ALDH3A2: variants seen among roughly 807,000 people sequenced by gnomAD.
ALDH3A2 encodes aldehyde dehydrogenase 3 family member A2.
A neutral mutation model predicts 51.3 loss-of-function variants in ALDH3A2; 36 were observed. The ratio of observed to expected loss-of-function variants is 0.70; its 90% CI spans 0.54 to 0.93. ALDH3A2 has a LOEUF of 0.93. ALDH3A2 is among the 40% of genes least tolerant of loss of function. The probability of loss-of-function intolerance (pLI) is 0.00; values close to 1 mark genes in which losing one functional copy is unlikely to be tolerated. For synonymous variants in ALDH3A2, 199 were observed against 219.8 expected, an observed-to-expected ratio of 0.91 and a Z score of 0.84; for missense variants, 552 against 603.1, an observed-to-expected ratio of 0.92 and a Z score of 0.89.
chr17:19,652,575 A>G lies in ALDH3A2; in HGVS notation c.414A>G (p.Glu138=). The part of the protein sequence containing the change: ...AGNAVIIKPS[E]LSENTAKILA... ...ATGCTGTGATTATAAAGCCTTCTGAACTGAGTGAAAATACAGCCAAGATCT... is the reference window on the plus strand; with the variant it reads ...ATGCTGTGATTATAAAGCCTTCTGAGCTGAGTGAAAATACAGCCAAGATCT... Residue 138 remains glutamate (E), a synonymous_variant, in exon 3 of 10, where the codon GAA becomes GAG. Coordinates refer to ENST00000176643, the MANE Select transcript of ALDH3A2 (RefSeq NM_000382.3). 1.9e-6 allele frequency: 3 copies of G among 1,614,046 alleles called. No individual in the cohort carries two copies. Among genetic ancestry groups the G allele is most frequent in the Non-Finnish European group, 2.5e-6 (3 of 1,179,904 alleles).
intron 8 of ALDH3A2, among the ~76,000 whole-genome samples, chr17:19,669,930 G>A (rs1001774122): frequency 3.3e-5 from 5 of 152,032 alleles, no homozygotes; most frequent in Non-Finnish European, 5.9e-5. Context: ...GTGAGCCACC[G>A]TGCCCGGTCA....
chr17:19,656,922 C>A (rs1246226062), intron 4 of ALDH3A2, among the ~76,000 whole-genome samples: 2 of 152,244 alleles, frequency 1.3e-5, no homozygotes, highest in Non-Finnish European at 2.9e-5. Flanking sequence ...CTAATAAAAT[C>A]TTTAAATGCC....
At chr17:19,674,490 C>G (rs895522191) in intron 9 of ALDH3A2, 11 of 152,128 alleles carry the variant, frequency 7.2e-5, no homozygotes, top group African/African-American at 2.7e-4. Flanking sequence ...ATATATAAAA[C>G]CTTTAGCAGA....
intron 7 of ALDH3A2, 94 bp downstream of exon 7, chr17:19,663,593 C>T (rs923328522): frequency 2.1e-6 from 3 of 1,418,214 alleles, no homozygotes; most frequent in African/African-American, 1.4e-5. Flanking sequence ...CAATGTGAAA[C>T]AATGATGGTT....
At position 19,677,504 on chromosome 17, in the gene ALDH3A2, C is replaced by T. The variant is rs2085209441; in HGVS notation, c.*1932C>T. On this transcript the variant is annotated 3_prime_UTR_variant, in exon 10 of 10. Transcript: ENST00000176643. ...AAAATTGGCATCAATTTTAATGACG[C>T]TCCTGGTATGGAACCTCAGATATAC... is the stretch of plus-strand genomic sequence containing the variant. 1 of 152,140 alleles carries T rather than the reference C, an allele frequency of 6.6e-6. No individual in the cohort carries two copies. Among genetic ancestry groups the T allele is most frequent in the South Asian group, 2.1e-4 (1 of 4,830 alleles). The allele number at this position is 152,140 out of a possible 1,614,324, so 9.4% of individuals were successfully genotyped here. A position where few individuals can be genotyped will look rare whatever the true frequency, so the allele number is the denominator to read the frequency against.
chr17:19,663,183 A>C, intron 6 of ALDH3A2, 150 bp from the exon 7 acceptor site: 2 of 846,680 alleles, frequency 2.4e-6, no homozygotes, highest in South Asian at 1.5e-5. Flanking sequence ...GTATGTGCAC[A>C]GTTCATCCAC....
In ALDH3A2 at chr17:19,654,273, T is replaced by C. The variant is rs1272244257; in HGVS notation, c.471+1641T>C. Among the ~76,000 whole-genome samples, 1 of 152,278 alleles carries C rather than the reference T, an allele frequency of 6.6e-6. No homozygotes were observed. The highest frequency in any genetic ancestry group is 1.9e-4 in the East Asian group (1 of 5,196). The stretch of plus-strand genomic sequence containing the variant: ...TGCCTAGTGGATCCCACGCCGGGGC[T>C]GTGGGTGGAGCTGCCCATCAGTCCA... On this transcript the variant is annotated intron_variant, in intron 3 of 9. Transcript: ENST00000176643. The surrounding 1 kb of genome is among the most constrained non-coding windows in gnomAD (Gnocchi z 4.5).
chr17:19,657,433 G>A (rs2084911616), intron 4 of ALDH3A2, among the ~76,000 whole-genome samples: 4 of 152,220 alleles, frequency 2.6e-5, no homozygotes, highest in Admixed American at 6.5e-5. Flanking sequence ...CTGGAAGAGG[G>A]GAAAGGACAT....
intron 3 of ALDH3A2, among the ~76,000 whole-genome samples, chr17:19,655,081 G>A (rs999299794): frequency 1.3e-5 from 2 of 152,196 alleles, no homozygotes; most frequent in African/African-American, 2.4e-5. Context: ...AGGTTCTTAT[G>A]CCTTCCTGGG....
intron 5 of ALDH3A2, among the ~76,000 whole-genome samples, chr17:19,659,066 A>G (rs2084934365): frequency 6.6e-6 from 1 of 151,966 alleles, no homozygotes; most frequent in Non-Finnish European, 1.5e-5. Context: ...ACCCATCTCT[A>G]CTAAAATTAC....
At chr17:19,675,261 C>T (rs979272098) in intron 9 of ALDH3A2, 1 of 387,540 alleles carries the variant, frequency 2.6e-6, no homozygotes, top group Non-Finnish European at 4.6e-6. Context: ...TTAGTACTCT[C>T]ATCTTCTGTC....
At position 19,676,259 on chromosome 17, in the gene ALDH3A2, G is replaced by C. The variant is rs2085187230; in HGVS notation, c.*687G>C. 1.3e-5 allele frequency: 2 copies of C among 152,276 alleles called. No individual in the cohort carries two copies. The highest frequency in any genetic ancestry group is 4.1e-4 in the South Asian group (2 of 4,832). The allele number at this position is 152,276 out of a possible 1,614,324, so 9.4% of individuals were successfully genotyped here. A position where few individuals can be genotyped will look rare whatever the true frequency, so the allele number is the denominator to read the frequency against. The stretch of plus-strand genomic sequence containing the variant: ...CACTCAAAGCATCTTGTAAATCCTA[G>C]GGCTTCCTGGAAGTTAGTTGCCAAA... On this transcript the variant is annotated 3_prime_UTR_variant, in exon 10 of 10. Transcript: ENST00000176643.
At position 19,676,868 on chromosome 17, in the gene ALDH3A2, C is replaced by G. The variant is rs2085197973; in HGVS notation, c.*1296C>G. The G allele has an allele frequency of 6.6e-6, 1 of 152,160 alleles. No individual in the cohort carries two copies. The highest frequency in any genetic ancestry group is 2.4e-5 in the African/African-American group (1 of 41,424). 9.4% of individuals were successfully genotyped at this position (152,160 alleles called of 1,614,324 possible). On this transcript the variant is annotated 3_prime_UTR_variant, in exon 10 of 10. Transcript: ENST00000176643. ...TGAGGGAACCATTTCCTCTCACAGA[C>G]AAAGAGGCCTGGGATATTAGGACTT...
chr17:19,663,587 G>A (rs2084997516), intron 7 of ALDH3A2, 88 bp downstream of exon 7: 5 of 1,442,938 alleles, frequency 3.5e-6, no homozygotes, highest in Non-Finnish European at 4.8e-6. Context: ...AAAAAACAAT[G>A]TGAAACAATG....
At chr17:19,669,360 G>T (rs926941029) in intron 8 of ALDH3A2, among the ~76,000 whole-genome samples, 4 of 152,086 alleles carry the variant, frequency 2.6e-5, no homozygotes, top group African/African-American at 9.7e-5. Context: ...GCCATACGCT[G>T]CATGATGTAA....
At position 19,648,940 on chromosome 17, in the gene ALDH3A2, C is replaced by T; in HGVS notation, c.-32C>T. 1 of 1,563,024 alleles carries T rather than the reference C, an allele frequency of 6.4e-7. No homozygotes were observed. Among genetic ancestry groups the T allele is most frequent in the Non-Finnish European group, 8.7e-7 (1 of 1,154,916 alleles). ...TCCCGCCTCCCACTCCCCAGCGCCC[C>T]CGGACCGTGCAGTTCTCTGCAGGAC... On this transcript the variant is annotated 5_prime_UTR_variant, in exon 1 of 10. Coordinates refer to ENST00000176643, the MANE Select transcript of ALDH3A2 (RefSeq NM_000382.3).
rs1429972862 is a variant in ALDH3A2, at chr17:19,649,000, A to G, written c.29A>G (p.Gln10Arg). 1.5e-5 allele frequency: 23 copies of G among 1,585,596 alleles called. No homozygotes were observed. Among genetic ancestry groups the G allele is most frequent in the Admixed American group, 3.6e-5 (2 of 55,324 alleles). ...GAGCTCGAAGTCCGGCGGGTCCGAC[A>G]GGCGTTCCTGTCCGGCCGGTCGCGA... MELEVRRVR[Q>R]AFLSGRSRPL... Residue 10 changes from glutamine (Q) to arginine (R), a missense_variant, in exon 1 of 10, where the codon CAG (glutamine) becomes CGG (arginine). Physicochemically the swap from Gln to Arg is conservative, Grantham distance 43. Coordinates refer to ENST00000176643, the MANE Select transcript of ALDH3A2 (RefSeq NM_000382.3).
chr17:19,661,421 G>T lies in ALDH3A2; in HGVS notation c.940+153G>T, dbSNP rs914044540. On this transcript the variant is annotated intron_variant, in intron 6 of 9. Transcript: ENST00000176643. ...CTGGTATACTGTACCTGTAGCTTTT[G>T]TTATAAACTATTTAAAATGTCTGTG... 3 of 850,656 alleles carry T rather than the reference G, an allele frequency of 3.5e-6. No homozygotes were observed. In the Admixed American group the frequency reaches 7.6e-5, roughly 22 times the overall value. 52.7% of individuals were successfully genotyped at this position (850,656 alleles called of 1,614,324 possible).
Position 19,675,562 on chromosome 17 carries a change from A to C in ALDH3A2, c.1448A>C (p.Glu483Ala). Reference protein sequence around the residue: ...GIVAAVLVKAEYY With the variant: ...GIVAAVLVKAAYY ...ATCCTTTTTTCCTCTCTCCAGGCAG[A>C]ATATTACTGAAGAATGATCCTGTTC... Residue 483 changes from glutamate (E) to alanine (A), a missense_variant, in exon 10 of 10, where the codon GAA becomes GCA. By Grantham distance (107) the Glu-to-Ala change is moderately radical. Coordinates refer to ENST00000176643, the MANE Select transcript of ALDH3A2 (RefSeq NM_000382.3). 4 of 1,613,764 alleles carry C rather than the reference A, an allele frequency of 2.5e-6. No homozygotes were observed. The highest frequency in any genetic ancestry group is 3.4e-6 in the Non-Finnish European group (4 of 1,179,684).
Sources: allele counts gnomAD v4.1 joint callset (sites outside exome capture counted in the v4.1 genomes callset), GRCh38; gene constraint gnomAD v4.1.1; non-coding constraint Gnocchi (gnomAD v3.1); transcripts MANE v1.5; gene names NCBI Gene and HGNC (gene_info 2026-07-23, HGNC 2026-07-21).